The following P3H2 variants were observed in gnomAD, a reference collection of about 807,000 sequenced individuals.
P3H2 encodes leprecan-like 1.
P3H2 carries 80 observed loss-of-function variants against 87.0 expected under a neutral mutation model. That is an observed-to-expected ratio of 0.92 (90% CI 0.77 to 1.11). The LOEUF (loss-of-function observed/expected upper bound fraction) is 1.11. P3H2 is among the 50% of genes least tolerant of loss of function. The pLI, the probability that P3H2 is intolerant of heterozygous loss-of-function variation, is 0.00. For missense variants in P3H2, 1,001 were observed against 923.9 expected (o/e 1.08, Z -1.08); for synonymous variants, 367 against 359.3 (o/e 1.02, Z -0.24).
chr3:189,985,071 T>C (rs1723647759), intron 6 of P3H2, among the ~76,000 whole-genome samples: 1 of 151,986 alleles, frequency 6.6e-6, no homozygotes, highest in Non-Finnish European at 1.5e-5. Context: ...AATATTAATA[T>C]ATTAGAAGGT....
chr3:190,008,666 C>T (rs2108932925), intron 1 of P3H2, among the ~76,000 whole-genome samples: 1 of 152,318 alleles, frequency 6.6e-6, no homozygotes, highest in South Asian at 2.1e-4. Flanking sequence ...CCACTATGCA[C>T]TTCCACATAT....
chr3:190,027,030 G>A (rs1014438734), intron 1 of P3H2, among the ~76,000 whole-genome samples: 9 of 152,098 alleles, frequency 5.9e-5, no homozygotes, highest in South Asian at 4.1e-4. Context: ...AGGTGATTTC[G>A]AAACATTTAC....
intron 13 of P3H2, 141 bp from the exon 14 acceptor site, chr3:189,964,239 A>AT: frequency 1.3e-6 from 1 of 785,196 alleles, no homozygotes; most frequent in Non-Finnish European, 2.1e-6. Flanking sequence ...GATGATGTAA[A>AT]TTATCTCAAT....
intron 1 of P3H2, among the ~76,000 whole-genome samples, chr3:190,106,152 T>C (rs967622528): frequency 2.0e-5 from 3 of 151,890 alleles, no homozygotes; most frequent in Non-Finnish European, 4.4e-5. Context: ...TTGAACAGAG[T>C]CCATTTAAAA....
At chr3:190,023,948 T>C (rs547571429) in intron 1 of P3H2, among the ~76,000 whole-genome samples, 4 of 152,226 alleles carry the variant, frequency 2.6e-5, no homozygotes, top group Non-Finnish European at 5.9e-5. Context: ...CACTACACAT[T>C]ACTGGTGAGA....
chr3:189,966,171 G>GAAAGAA (rs1418397287), intron 13 of P3H2, among the ~76,000 whole-genome samples: 16 of 146,900 alleles, frequency 1.1e-4, no homozygotes, highest in Non-Finnish European at 2.3e-4. Context: ...AAGAAAGAAA[G>GAAAGAA]AAAGAAAGAA....
chr3:189,969,507 T>C (rs1723106387), intron 13 of P3H2: 1 of 1,059,186 alleles, frequency 9.4e-7, no homozygotes, highest in Admixed American at 1.7e-5. Context: ...TGAGGTCTCA[T>C]ACTGGTCCTG....
intron 1 of P3H2, among the ~76,000 whole-genome samples, chr3:190,015,925 A>ATGTGTG (rs1017222481): frequency 2.6e-5 from 4 of 152,028 alleles, no homozygotes; most frequent in African/African-American, 7.2e-5. Flanking sequence ...GCATGTGTGC[A>ATGTGTG]TGTGTGTGTG....
At chr3:190,121,249 C>T (rs1052292757), upstream of P3H2, among the ~76,000 whole-genome samples, 2 of 151,820 alleles carry the variant, frequency 1.3e-5, no homozygotes, top group African/African-American at 4.8e-5. Context: ...AAGCCTGGAG[C>T]GCCATTTCAG....
intron 1 of P3H2, among the ~76,000 whole-genome samples, chr3:190,043,021 G>T (rs1219868703): frequency 6.6e-6 from 1 of 152,134 alleles, no homozygotes; most frequent in Non-Finnish European, 1.5e-5. Flanking sequence ...GCAGAACAGA[G>T]TACCATACAT....
chr3:189,984,391 G>A (rs969232345), intron 7 of P3H2, among the ~76,000 whole-genome samples, 159 bp downstream of exon 7: 7 of 152,040 alleles, frequency 4.6e-5, no homozygotes, highest in African/African-American at 1.2e-4. Context: ...AACGTGGCAG[G>A]AAGAGCTGGG....
intron 1 of P3H2, among the ~76,000 whole-genome samples, chr3:190,007,315 T>G (rs868343221): frequency 3.3e-5 from 5 of 152,322 alleles, no homozygotes; most frequent in African/African-American, 1.2e-4. Flanking sequence ...AAGGCATGCT[T>G]AAAATTTCAA....
intron 1 of P3H2, among the ~76,000 whole-genome samples, chr3:190,053,556 C>T (rs1260705426): frequency 4.0e-5 from 6 of 150,212 alleles, no homozygotes; most frequent in Admixed American, 1.3e-4. Flanking sequence ...CTCCTGGGTT[C>T]AAGCGATTCT....
intron 3 of P3H2, among the ~76,000 whole-genome samples, chr3:189,992,251 C>T (rs1723902671): frequency 6.6e-6 from 1 of 152,084 alleles, no homozygotes; most frequent in South Asian, 2.1e-4. Flanking sequence ...CCCACCACCA[C>T]ACCTGCCTAA....
At chr3:190,009,127 AT>A (rs1230464423) in intron 1 of P3H2, among the ~76,000 whole-genome samples, 4 of 152,162 alleles carry the variant, frequency 2.6e-5, no homozygotes, top group African/African-American at 9.7e-5. Context: ...AGCGTCATCT[AT>A]ATTTGAGAGT....
Position 189,988,956 on chromosome 3 carries a change from C to A in P3H2, c.906G>T (p.Glu302Asp), listed in dbSNP as rs1457608351. Residue 302 changes from glutamate to aspartate, a missense_variant, in exon 4 of 15, where the codon GAG (glutamate) becomes GAT (aspartate). Physicochemically the swap from Glu to Asp is conservative, Grantham distance 45. Transcript: ENST00000319332. Reference protein sequence around the residue: ...ATRPGRLSPIENFLPLHYDYL... With the variant: ...ATRPGRLSPIDNFLPLHYDYL... Reference sequence around the variant, plus strand: ...AATCATAGTGCAGAGGAAGAAAATTCTCGATGGGAGAGAGGCGGCCAGGGC... The same window carrying A: ...AATCATAGTGCAGAGGAAGAAAATTATCGATGGGAGAGAGGCGGCCAGGGC... The A allele has an allele frequency of 3.1e-6, 5 of 1,613,996 alleles. No individual in the cohort carries two copies. The Admixed American group carries it at 8.3e-5, about 27-fold the overall frequency.
intron 1 of P3H2, among the ~76,000 whole-genome samples, chr3:190,107,418 G>T (rs710592): frequency 0.18 from 27,424 of 152,032 alleles, 2,630 homozygotes; most frequent in African/African-American, 0.24. Context: ...TACGAATAAG[G>T]ATTTTAATTT....
At chr3:190,052,849 A>G (rs766752037) in intron 1 of P3H2, among the ~76,000 whole-genome samples, 4 of 152,190 alleles carry the variant, frequency 2.6e-5, no homozygotes, top group Non-Finnish European at 5.9e-5. Flanking sequence ...AGCGATCAAG[A>G]CAATGAATAT....
chr3:190,111,044 T>C (rs66463169), intron 1 of P3H2, among the ~76,000 whole-genome samples: 18,789 of 152,238 alleles, frequency 0.12, 1,287 homozygotes, highest in Middle Eastern at 0.21. Flanking sequence ...TGGATCTCCC[T>C]CTTTCTGGCT....
Sources: allele counts gnomAD v4.1 joint callset (sites outside exome capture counted in the v4.1 genomes callset), GRCh38; gene constraint gnomAD v4.1.1; transcripts MANE v1.5; gene names NCBI Gene and HGNC (gene_info 2026-07-23, HGNC 2026-07-21).